PTPRK: variants seen among roughly 807,000 people sequenced by gnomAD.
PTPRK encodes receptor-type tyrosine-protein phosphatase kappa.
PTPRK carries 75 observed loss-of-function variants against 178.0 expected under a neutral mutation model. That is an observed-to-expected ratio of 0.42 (90% CI 0.35 to 0.51). The LOEUF (loss-of-function observed/expected upper bound fraction) is 0.51, where lower values mean the gene tolerates loss of function less well. PTPRK is among the 20% of genes least tolerant of loss of function. PTPRK has a pLI of 0.02. For synonymous variants in PTPRK, 637 were observed against 620.6 expected, an observed-to-expected ratio of 1.03 and a Z score of -0.39; for missense variants, 1,441 against 1,797.8, an observed-to-expected ratio of 0.80 and a Z score of 3.59.
At chr6:128,339,140 A>T (rs1831333661) in intron 2 of PTPRK, among the ~76,000 whole-genome samples, 1 of 152,186 alleles carries the variant, frequency 6.6e-6, no homozygotes, top group South Asian at 2.1e-4. Flanking sequence ...ATCTGATTAC[A>T]AACCTTTTTT....
rs1342214355 is a variant in PTPRK, at chr6:128,519,922, C to A, written c.100+337G>T. Among the ~76,000 whole-genome samples the A allele has an allele frequency of 6.6e-6, 1 of 152,204 alleles. No individual in the cohort carries two copies. On this transcript the variant is annotated intron_variant, in intron 1 of 29. Transcript: ENST00000368226. The surrounding 1 kb of genome is among the most constrained non-coding windows in gnomAD (Gnocchi z 4.3). ...AGCAACAAACCCGCACCACAAGCAACAGAGTGCCGTCACGGGAGTCGTAAC... is the reference window on the plus strand; with the variant it reads ...AGCAACAAACCCGCACCACAAGCAAAAGAGTGCCGTCACGGGAGTCGTAAC...
intron 7 of PTPRK, among the ~76,000 whole-genome samples, chr6:128,168,529 C>A (rs374647620): frequency 8.6e-5 from 13 of 151,944 alleles, no homozygotes; most frequent in African/African-American, 3.1e-4. Flanking sequence ...AGGAGGTGAG[C>A]GGAAGGCAAG....
chr6:128,268,625 C>T (rs578020914), intron 3 of PTPRK, among the ~76,000 whole-genome samples: 1 of 152,018 alleles, frequency 6.6e-6, no homozygotes, highest in South Asian at 2.1e-4. Flanking sequence ...ATCATTGTGC[C>T]CCAGTGAACA....
At chr6:128,152,203 A>C (rs1797349476) in intron 7 of PTPRK, among the ~76,000 whole-genome samples, 1 of 152,064 alleles carries the variant, frequency 6.6e-6, no homozygotes, top group Admixed American at 6.6e-5. Flanking sequence ...CTAAAATCAA[A>C]GGGAAGATTT....
At chr6:127,998,602 T>C in intron 16 of PTPRK, 118 bp downstream of exon 16, 2 of 752,148 alleles carry the variant, frequency 2.7e-6, no homozygotes, top group East Asian at 5.9e-5. Context: ...AACACTAGAT[T>C]AGAGAGCCTA....
chr6:128,091,500 C>T (rs1234066533), intron 7 of PTPRK, among the ~76,000 whole-genome samples: 1 of 152,098 alleles, frequency 6.6e-6, no homozygotes, highest in South Asian at 2.1e-4. Context: ...CCCAGATAAA[C>T]TGTGATTTTG....
intron 1 of PTPRK, among the ~76,000 whole-genome samples, chr6:128,439,569 G>T (rs900790062): frequency 3.3e-5 from 5 of 152,026 alleles, no homozygotes; most frequent in Non-Finnish European, 5.9e-5. Flanking sequence ...TATGCTTTGG[G>T]GTAAAGAGAA....
At chr6:128,078,653 A>G (rs1784272308) in intron 11 of PTPRK, among the ~76,000 whole-genome samples, 160 bp downstream of exon 11, 1 of 152,030 alleles carries the variant, frequency 6.6e-6, no homozygotes, top group African/African-American at 2.4e-5. Context: ...ACTGTGCCTA[A>G]TTTATAAATT....
At chr6:128,020,806 G>C (rs2114760237) in intron 13 of PTPRK, among the ~76,000 whole-genome samples, 1 of 152,176 alleles carries the variant, frequency 6.6e-6, no homozygotes, top group Non-Finnish European at 1.5e-5. Flanking sequence ...CTGTTTTTTG[G>C]GATGCTTTTA....
At chr6:128,462,338 T>C (rs1849163104) in intron 1 of PTPRK, among the ~76,000 whole-genome samples, 1 of 152,150 alleles carries the variant, frequency 6.6e-6, no homozygotes, top group Admixed American at 6.5e-5. Flanking sequence ...TCACATGTTG[T>C]TTATTTTAAT....
At chr6:128,238,493 A>G (rs1583634955) in intron 5 of PTPRK, among the ~76,000 whole-genome samples, 1 of 152,188 alleles carries the variant, frequency 6.6e-6, no homozygotes, top group Admixed American at 6.5e-5. Context: ...CCTGAGGCAT[A>G]AAACCAAGGG....
chr6:128,467,011 T>C (rs1849934316), intron 1 of PTPRK, among the ~76,000 whole-genome samples: 1 of 152,166 alleles, frequency 6.6e-6, no homozygotes. Flanking sequence ...AACTGCATTT[T>C]GTTGGTTTGT....
intron 3 of PTPRK, among the ~76,000 whole-genome samples, chr6:128,245,128 G>A (rs1470384062): frequency 2.0e-5 from 3 of 152,070 alleles, no homozygotes; most frequent in Non-Finnish European, 4.4e-5. Context: ...ACACGAGGTA[G>A]GTATTATTTT....
At chr6:128,094,466 A>C (rs1787567293) in intron 7 of PTPRK, among the ~76,000 whole-genome samples, 1 of 152,180 alleles carries the variant, frequency 6.6e-6, no homozygotes, top group African/African-American at 2.4e-5. Context: ...ATGTGAATGG[A>C]TACAATATAG....
At chr6:128,472,763 A>T in intron 1 of PTPRK, 1 of 272,812 alleles carries the variant, frequency 3.7e-6, no homozygotes, top group Non-Finnish European at 7.2e-6. Flanking sequence ...AAGAAAACTT[A>T]ACATTGATAC....
At chr6:128,058,820 CT>C (rs1385882064) in intron 13 of PTPRK, among the ~76,000 whole-genome samples, 8 of 151,546 alleles carry the variant, frequency 5.3e-5, no homozygotes, top group South Asian at 4.2e-4. Context: ...AAAAACTATA[CT>C]GTTATAACTC....
Position 128,089,940 on chromosome 6 carries a change from C to T in PTPRK, c.1215G>A (p.Arg405=). The change falls in exon 8 of 30, where the codon CGG becomes CGA. Residue 405 remains arginine, a synonymous_variant. Transcript: ENST00000368226. Reference sequence around the variant, plus strand: ...CCAAGGATTCCCAGTCCACAGCAATCCGTCTTGCCTGTATTTCAGCAATCT... The same window carrying T: ...CCAAGGATTCCCAGTCCACAGCAATTCGTCTTGCCTGTATTTCAGCAATCT... The part of the protein sequence containing the change: ...TLKIAEIQAR[R]IAVDWESLGY... 6.2e-7 allele frequency: 1 copy of T among 1,612,092 alleles called. No homozygotes were observed.
At position 128,150,456 on chromosome 6, in the gene PTPRK, G is replaced by A. The variant is rs957032794; in HGVS notation, c.1162+33976C>T. On this transcript the variant is annotated intron_variant, in intron 7 of 29. Coordinates refer to ENST00000368226, the MANE Select transcript of PTPRK (RefSeq NM_002844.4). ...CTACATTCTAGCCTCAGCAGACCCT[G>A]AAGGGCCCACACTTTGAACTCACTG... 5.9e-5 allele frequency among the ~76,000 whole-genome samples: 9 copies of A among 152,182 alleles called. No individual in the cohort carries two copies. The South Asian group carries it at 1.9e-3, about 32-fold the overall frequency.
At chr6:128,474,470 G>A (rs964987658) in intron 1 of PTPRK, among the ~76,000 whole-genome samples, 8 of 152,018 alleles carry the variant, frequency 5.3e-5, no homozygotes, top group Non-Finnish European at 1.5e-5. Context: ...CTTAGAACAA[G>A]AACAAGCTGT....
Sources: allele counts gnomAD v4.1 joint callset (sites outside exome capture counted in the v4.1 genomes callset), GRCh38; gene constraint gnomAD v4.1.1; non-coding constraint Gnocchi (gnomAD v3.1); transcripts MANE v1.5; gene names NCBI Gene and HGNC (gene_info 2026-07-23, HGNC 2026-07-21).